RIMS2: variants seen among roughly 807,000 people sequenced by gnomAD.
RIMS2 encodes the protein regulating synaptic membrane exocytosis 2, also known as regulating synaptic membrane exocytosis protein 2.
In RIMS2, 59 loss-of-function variants were observed where a neutral mutation model predicts 174.4. That is an observed-to-expected ratio of 0.34 (90% CI 0.27 to 0.42). The LOEUF (loss-of-function observed/expected upper bound fraction) is 0.42. RIMS2 is among the 10% of genes least tolerant of loss of function. RIMS2 has a pLI of 1.00. For missense variants in RIMS2, 1,620 were observed against 1,666.3 expected, an observed-to-expected ratio of 0.97 and a Z score of 0.48; for synonymous variants, 606 against 572.5, an observed-to-expected ratio of 1.06 and a Z score of -0.84.
chr8:104,224,586 CTG>C (rs1563855806), intron 19 of RIMS2, among the ~76,000 whole-genome samples: 1 of 152,140 alleles, frequency 6.6e-6, no homozygotes, highest in Non-Finnish European at 1.5e-5. Context: ...TAGTTGCAAA[CTG>C]TGTTCATTTT....
chr8:103,736,001 G>C lies in RIMS2; in HGVS notation c.388-30226G>C, dbSNP rs568753347. Reference sequence around the variant, plus strand: ...TTAAATTCTGTGTTGCTCCTGCATAGGTGCTAAAATGTAAATTACACAATG... The same window carrying C: ...TTAAATTCTGTGTTGCTCCTGCATACGTGCTAAAATGTAAATTACACAATG... On this transcript the variant is annotated intron_variant, in intron 2 of 23. Coordinates refer to ENST00000504942, the Ensembl canonical transcript of RIMS2. Among the ~76,000 whole-genome samples the C allele has an allele frequency of 2.6e-5, 4 of 152,194 alleles. No individual in the cohort carries two copies. In the East Asian group the frequency reaches 7.7e-4, roughly 29 times the overall value.
At chr8:103,622,037 T>A (rs189461273) in intron 1 of RIMS2, among the ~76,000 whole-genome samples, 9 of 152,308 alleles carry the variant, frequency 5.9e-5, no homozygotes, top group Admixed American at 1.3e-4. Flanking sequence ...TATCATTTTT[T>A]AAAATTATCA....
intron 19 of RIMS2, among the ~76,000 whole-genome samples, chr8:104,106,308 C>G (rs991330172): frequency 2.0e-5 from 3 of 151,834 alleles, no homozygotes; most frequent in Non-Finnish European, 2.9e-5. Flanking sequence ...TTAGTAACTT[C>G]TATTTATTTG....
intron 19 of RIMS2, chr8:104,148,843 A>G: frequency 3.1e-6 from 5 of 1,597,072 alleles, no homozygotes; most frequent in Non-Finnish European, 4.2e-6. Context: ...CAGCTCAGCC[A>G]AACGGGTAGG....
chr8:103,918,609 G>A (rs749954069), intron 9 of RIMS2, 122 bp downstream of exon 12: 1 of 717,712 alleles, frequency 1.4e-6, no homozygotes, highest in South Asian at 1.7e-5. Context: ...AAGTCTGTAA[G>A]CATATAAAGA....
intron 1 of RIMS2, among the ~76,000 whole-genome samples, chr8:103,588,118 G>A (rs895110543): frequency 6.6e-6 from 1 of 151,688 alleles, no homozygotes; most frequent in Admixed American, 6.6e-5. Flanking sequence ...ACAGTGAAGA[G>A]TGTGAAAAAG....
intron 1 of RIMS2, 103 bp downstream of exon 1, chr8:103,501,165 G>A (rs1819552533): frequency 3.3e-6 from 3 of 900,264 alleles, no homozygotes; most frequent in Non-Finnish European, 4.6e-6. Flanking sequence ...CCTCCCTCCC[G>A]CTGGCGGCGC....
chr8:104,137,823 TATA>T (rs2098533678), intron 19 of RIMS2, among the ~76,000 whole-genome samples: 1 of 152,292 alleles, frequency 6.6e-6, no homozygotes, highest in South Asian at 2.1e-4. Flanking sequence ...TTTTTAAATG[TATA>T]ATAAGTTGTT....
intron 3 of RIMS2, among the ~76,000 whole-genome samples, chr8:103,871,486 T>C (rs960355756): frequency 2.0e-5 from 3 of 151,714 alleles, no homozygotes; most frequent in African/African-American, 4.8e-5. Flanking sequence ...GATTCAGTTA[T>C]ATATTCTAGT....
intron 17 of RIMS2, among the ~76,000 whole-genome samples, chr8:103,997,098 A>G (rs1411402037): frequency 6.6e-6 from 1 of 151,908 alleles, no homozygotes; most frequent in Non-Finnish European, 1.5e-5. Flanking sequence ...AAGTCAAATT[A>G]CAGTAAGCTT....
At chr8:103,775,078 C>T (rs1381177995) in intron 3 of RIMS2, among the ~76,000 whole-genome samples, 1 of 151,926 alleles carries the variant, frequency 6.6e-6, no homozygotes, top group African/African-American at 2.4e-5. Context: ...TTCAGAGATG[C>T]TTATATTTAT....
chr8:103,561,529 C>A (rs1322324618), intron 1 of RIMS2, among the ~76,000 whole-genome samples: 1 of 152,144 alleles, frequency 6.6e-6, no homozygotes, highest in Non-Finnish European at 1.5e-5. Context: ...CCAGTTCTTA[C>A]CCATCGAAAG....
intron 1 of RIMS2, among the ~76,000 whole-genome samples, chr8:103,503,019 A>C (rs1821182491): frequency 6.6e-6 from 1 of 152,024 alleles, no homozygotes; most frequent in Admixed American, 6.5e-5. Context: ...TATTCAATAC[A>C]TATAATATTT....
At chr8:103,530,329 GACAA>G (rs1451846266) in intron 1 of RIMS2, among the ~76,000 whole-genome samples, 9 of 151,894 alleles carry the variant, frequency 5.9e-5, no homozygotes, top group Non-Finnish European at 1.2e-4. Flanking sequence ...AATTAAAAAA[GACAA>G]ACAAGGAGAG....
Position 104,093,746 on chromosome 8 carries a change from T to C in RIMS2, c.3334+79131T>C, listed in dbSNP as rs573252367. On this transcript the variant is annotated intron_variant, in intron 19 of 23. Transcript: ENST00000504942. ...TTTATTTCTAACAGGTTAATATATATTTTAAAGCCAGGGGAGCTTAACTTC... is the reference window on the plus strand; with the variant it reads ...TTTATTTCTAACAGGTTAATATATACTTTAAAGCCAGGGGAGCTTAACTTC... 4.4e-6 allele frequency: 4 copies of C among 899,962 alleles called. No individual in the cohort carries two copies. The South Asian group carries it at 8.1e-5, about 18-fold the overall frequency. 55.7% of individuals were successfully genotyped at this position (899,962 alleles called of 1,614,324 possible).
chr8:104,137,520 A>G (rs1213396486), intron 19 of RIMS2, among the ~76,000 whole-genome samples: 1 of 152,222 alleles, frequency 6.6e-6, no homozygotes, highest in Non-Finnish European at 1.5e-5. Flanking sequence ...CAAAAGAAGA[A>G]AAGTCTTTGT....
intron 15 of RIMS2, among the ~76,000 whole-genome samples, chr8:103,965,736 T>G (rs2091630143): frequency 6.6e-6 from 1 of 152,074 alleles, no homozygotes; most frequent in Non-Finnish European, 1.5e-5. Flanking sequence ...GTGGGAAAGT[T>G]TTGAGCTTTT....
At chr8:103,567,631 A>G (rs2092470109) in intron 1 of RIMS2, among the ~76,000 whole-genome samples, 1 of 152,194 alleles carries the variant, frequency 6.6e-6, no homozygotes, top group Admixed American at 6.5e-5. Flanking sequence ...ACATTTATGT[A>G]CAAGTTTTTG....
chr8:103,577,581 G>C (rs2449915), intron 1 of RIMS2, among the ~76,000 whole-genome samples: 52,738 of 151,998 alleles, frequency 0.35, 9,930 homozygotes, highest in East Asian at 0.77. Context: ...TGTACATTCT[G>C]TACATGTATC....
Sources: allele counts gnomAD v4.1 joint callset (sites outside exome capture counted in the v4.1 genomes callset), GRCh38; gene constraint gnomAD v4.1.1; transcripts MANE v1.5; gene names NCBI Gene and HGNC (gene_info 2026-07-23, HGNC 2026-07-21).